The following ARMCX4 variants were observed in gnomAD, a reference collection of about 807,000 sequenced individuals.
ARMCX4 encodes armadillo repeat-containing X-linked protein 4.
In ARMCX4, 3 loss-of-function variants were observed where a neutral mutation model predicts 34.7. The ratio of observed to expected loss-of-function variants is 0.09; its 90% CI spans 0.04 to 0.22. The LOEUF (loss-of-function observed/expected upper bound fraction) is 0.22. Among genes scored for constraint, ARMCX4 ranks in the 10% least tolerant of loss-of-function variants. The pLI, the probability that ARMCX4 is intolerant of heterozygous loss-of-function variation, is 1.00. For synonymous variants in ARMCX4, 513 were observed against 632.8 expected, an observed-to-expected ratio of 0.81 and a Z score of 2.84; for missense variants, 1,448 against 1,720.8, an observed-to-expected ratio of 0.84 and a Z score of 2.81.
intron 2 of ARMCX4, among the ~76,000 whole-genome samples, chrX:101,430,899 G>GGATA (rs1929955029): frequency 9.0e-6 from 1 of 111,628 alleles, no homozygotes; most frequent in South Asian, 3.8e-4. Context: ...TAGGAAGTGA[G>GGATA]GATAGAGTCT....
rs1395599601 is a variant in ARMCX4 at position 101,524,627 on chromosome X, T to C, written c.*1781-7017T>C. On this transcript the variant is annotated intron_variant and NMD_transcript_variant, in intron 11 of 12. Coordinates refer to the ARMCX4 transcript ENST00000354842. ...CCGCCCTAATACTGCACTTTTCCAA[T>C]GGTCTTAGCAAACGGCACACCAGGA... 3.6e-5 allele frequency among the ~76,000 whole-genome samples: 4 copies of C among 111,606 alleles called. No homozygotes were observed. In the East Asian group the frequency reaches 1.1e-3, roughly 31 times the overall value.
downstream of ARMCX4, among the ~76,000 whole-genome samples, chrX:101,447,256 G>A (rs1414796225): frequency 1.8e-5 from 2 of 112,428 alleles, no homozygotes; most frequent in South Asian, 3.6e-4. Context: ...CCATACTTAA[G>A]GGGAAGGAAA....
chrX:101,504,689 G>T (rs1359928462), intron 7 of ARMCX4, among the ~76,000 whole-genome samples: 1 of 111,417 alleles, frequency 9.0e-6, no homozygotes, highest in Non-Finnish European at 1.9e-5. Flanking sequence ...TAGACTTAGG[G>T]CTTAGAGGCT....
chrX:101,459,320 G>A (rs1257334323), intron 4 of ARMCX4, among the ~76,000 whole-genome samples: 1 of 112,134 alleles, frequency 8.9e-6, no homozygotes, highest in Non-Finnish European at 1.9e-5. Context: ...CTCTTTAGCT[G>A]AATTGACTTT....
At chrX:101,468,979 T>C (rs902779001) in intron 4 of ARMCX4, among the ~76,000 whole-genome samples, 4 of 111,834 alleles carry the variant, frequency 3.6e-5, no homozygotes, top group Admixed American at 2.9e-4. Context: ...AGCTACAGAC[T>C]AGGAGAAAAT....
chrX:101,452,867 T>TTTTTTA (rs1555999350), downstream of ARMCX4, among the ~76,000 whole-genome samples: 1 of 102,153 alleles, frequency 9.8e-6, no homozygotes, highest in Admixed American at 1.1e-4. Context: ...GGCTGTTTGT[T>TTTTTTA]TTATTATTAT....
chrX:101,447,998 A>T (rs1415116855), downstream of ARMCX4: 3 of 111,477 alleles, frequency 2.7e-5, no homozygotes, highest in Non-Finnish European at 5.7e-5. Flanking sequence ...ACCACACACT[A>T]TCCTTCCCAG....
intron 11 of ARMCX4, among the ~76,000 whole-genome samples, chrX:101,529,136 A>T (rs868987896): frequency 9.0e-6 from 1 of 111,647 alleles, no homozygotes; most frequent in South Asian, 3.8e-4. Context: ...CAAAACAGAG[A>T]TATAGACCAA....
intron 11 of ARMCX4, among the ~76,000 whole-genome samples, chrX:101,526,019 G>A (rs934146946): frequency 9.0e-6 from 1 of 110,788 alleles, no homozygotes; most frequent in African/African-American, 3.3e-5. Flanking sequence ...GCAACCCCAA[G>A]ACACATAATT....
At chrX:101,439,764 C>G (rs1266421456) in intron 2 of ARMCX4, among the ~76,000 whole-genome samples, 2 of 112,072 alleles carry the variant, frequency 1.8e-5, no homozygotes, top group Non-Finnish European at 3.8e-5. Context: ...TCCAGTTGAT[C>G]GAATTGGCTA....
In ARMCX4 at chrX:101,490,543, C is replaced by T. The variant is rs1556008491; in HGVS notation, c.1954C>T (p.Pro652Ser). 8.7e-7 allele frequency: 1 copy of T among 1,155,595 alleles called. No individual in the cohort carries two copies. Among genetic ancestry groups the T allele is most frequent in the East Asian group, 3.3e-5 (1 of 30,759 alleles). The change falls in exon 6 of 6, where the codon CCC becomes TCC. Residue 652 changes from proline (P) to serine (S), a missense_variant. Physicochemically the swap from Pro to Ser is moderately conservative, Grantham distance 74. Coordinates refer to ENST00000423738, the MANE Select transcript of ARMCX4 (RefSeq NM_001256155.3). ...LGTKNKVKGN[P>S]NVVLKAEVGE... Reference sequence around the variant, plus strand: ...CACCAAGAATAAAGTTAAGGGTAATCCCAATGTTGTGCTTAAGGCAGAAGT... The same window carrying T: ...CACCAAGAATAAAGTTAAGGGTAATTCCAATGTTGTGCTTAAGGCAGAAGT...
intron 8 of ARMCX4, among the ~76,000 whole-genome samples, chrX:101,508,426 G>A (rs1240560526): frequency 1.8e-5 from 2 of 111,353 alleles, no homozygotes; most frequent in African/African-American, 6.5e-5. Context: ...CCTTCTTGTT[G>A]TGTCGTCACA....
intron 4 of ARMCX4, among the ~76,000 whole-genome samples, chrX:101,468,676 C>T (rs1265329218): frequency 9.3e-6 from 1 of 107,759 alleles, no homozygotes; most frequent in Admixed American, 1.0e-4. Context: ...TGCAGTGGCA[C>T]GATCTCGGCT....
chrX:101,465,441 G>A (rs1932777402), intron 4 of ARMCX4, among the ~76,000 whole-genome samples: 1 of 111,868 alleles, frequency 8.9e-6, no homozygotes, highest in Non-Finnish European at 1.9e-5. Context: ...AAGACAAAAA[G>A]GGACATTTCG....
At chrX:101,423,515 G>A (rs928381855) in intron 2 of ARMCX4, among the ~76,000 whole-genome samples, 7 of 109,220 alleles carry the variant, frequency 6.4e-5, no homozygotes, top group East Asian at 3.0e-4. Context: ...TACTTGGGAC[G>A]CTGAGGCAGG....
rs187480982 is a variant in ARMCX4 at position 101,493,894 on chromosome X, T to G, written c.5305T>G (p.Ser1769Ala). ...TGATAAAGATGAGGCCACTACTGCATCCAGATCAGGGGCTGGGGAAGAGGC... is the reference window on the plus strand; with the variant it reads ...TGATAAAGATGAGGCCACTACTGCAGCCAGATCAGGGGCTGGGGAAGAGGC... ...PDDKDEATTA[S>A]RSGAGEEAMI... Residue 1769 changes from serine (S) to alanine (A), a missense_variant, in exon 6 of 6, where the codon TCC becomes GCC. Physicochemically the swap from Ser to Ala is moderately conservative, Grantham distance 99. Around this residue, in one of 2 missense-constraint regions of ARMCX4, gnomAD observed 1,343 missense variants for 1,540.7 expected, o/e 0.87. Transcript: ENST00000423738. 1.2e-4 allele frequency: 136 copies of G among 1,147,079 alleles called. No homozygotes were observed. In the Admixed American group the frequency reaches 3.6e-3, roughly 30 times the overall value. The allele number at this position is 1,147,079 out of a possible 1,213,427, so 94.5% of individuals were successfully genotyped here.
intron 4 of ARMCX4, among the ~76,000 whole-genome samples, chrX:101,466,011 G>A (rs1932786566): frequency 8.9e-6 from 1 of 112,008 alleles, no homozygotes; most frequent in Middle Eastern, 4.6e-3. Flanking sequence ...TAAACTGGAT[G>A]TACCCAAATA....
At chrX:101,511,645 T>A (rs190384351) in intron 11 of ARMCX4, among the ~76,000 whole-genome samples, 1,887 of 111,274 alleles carry the variant, frequency 0.017, 37 homozygotes, top group African/African-American at 0.058. Context: ...GATACTTTTT[T>A]TTTTTCTGAG....
At chrX:101,431,053 G>A (rs1236879156) in intron 2 of ARMCX4, among the ~76,000 whole-genome samples, 3 of 111,514 alleles carry the variant, frequency 2.7e-5, no homozygotes, top group East Asian at 5.6e-4. Context: ...GGTGGACTCC[G>A]AAGGATCTAA....
Sources: gnomAD v4.1 joint callset for allele counts (sites outside exome capture counted in the v4.1 genomes callset) on GRCh38, gnomAD v4.1.1 for gene constraint, gnomAD v4.1.1 regional missense constraint, MANE v1.5 for transcripts, NCBI Gene and HGNC (gene_info 2026-07-23, HGNC 2026-07-21) for gene names.